Variants in NMNAT1 observed in about 807,000 individuals in gnomAD.
NMNAT1 encodes the protein nicotinamide/nicotinic acid mononucleotide adenylyltransferase 1.
NMNAT1 carries 11 observed loss-of-function variants against 16.7 expected under a neutral mutation model. The observed-to-expected ratio is 0.66, with a 90% confidence interval of 0.41 to 1.09. The LOEUF (loss-of-function observed/expected upper bound fraction) is 1.09. Among genes scored for constraint, NMNAT1 ranks in the 50% least tolerant of loss-of-function variants. The probability of loss-of-function intolerance (pLI) is 0.00; values close to 1 mark genes in which losing one functional copy is unlikely to be tolerated. For missense variants in NMNAT1, 280 were observed against 332.3 expected, an observed-to-expected ratio of 0.84 and a Z score of 1.22; for synonymous variants, 110 against 119.8, an observed-to-expected ratio of 0.92 and a Z score of 0.53.
chr1:9,952,759 G>A (rs1422158441), intron 1 of NMNAT1, among the ~76,000 whole-genome samples: 1 of 151,882 alleles, frequency 6.6e-6, no homozygotes, highest in Non-Finnish European at 1.5e-5. Context: ...GGCTGGTCTC[G>A]AACTCCTGAC....
Position 9,982,525 on chromosome 1 carries a change from T to A in NMNAT1, c.664T>A (p.Ser222Thr), listed in dbSNP as rs763166285. ...GAATGAATGGATCGCTAATGACATC[T>A]CATCCACAAAAATCCGGAGAGCCCT... is the stretch of plus-strand genomic sequence containing the variant. ...VVNEWIANDI[S>T]STKIRRALRR... The change falls in exon 5 of 5, where the codon TCA becomes ACA. Residue 222 changes from serine to threonine, a missense_variant. By Grantham distance (58) the Ser-to-Thr change is moderately conservative (BLOSUM62 1). Coordinates refer to ENST00000377205, the MANE Select transcript of NMNAT1 (RefSeq NM_022787.4). 1.2e-5 allele frequency: 19 copies of A among 1,614,046 alleles called. 1 individual carries two copies. The South Asian group carries it at 2.1e-4, about 18-fold the overall frequency.
At chr1:9,987,644 T>A (rs1314192929), downstream of NMNAT1, among the ~76,000 whole-genome samples, 2 of 151,392 alleles carry the variant, frequency 1.3e-5, no homozygotes, top group Non-Finnish European at 2.9e-5. Context: ...CGTCTCAAAA[T>A]AAATAAATAA....
intron 1 of NMNAT1, among the ~76,000 whole-genome samples, chr1:9,946,122 T>C (rs1333421742): frequency 6.6e-6 from 1 of 152,228 alleles, no homozygotes; most frequent in East Asian, 1.9e-4. Context: ...GCGTGTGCAG[T>C]CTTCGAAGCA....
intron 1 of NMNAT1, chr1:9,967,324 T>G (rs1246303811): frequency 6.5e-6 from 1 of 154,100 alleles, no homozygotes; most frequent in African/African-American, 2.4e-5. Context: ...ATCGTCGAAC[T>G]TACTTGATCT....
intron 1 of NMNAT1, among the ~76,000 whole-genome samples, chr1:9,969,485 T>G (rs1164094497): frequency 1.3e-5 from 2 of 152,038 alleles, no homozygotes; most frequent in Admixed American, 6.6e-5. Flanking sequence ...TAATAGACAT[T>G]TTCAGGCCAG....
the NMNAT1 span, among the ~76,000 whole-genome samples, chr1:9,991,867 C>A: frequency 6.6e-6 from 1 of 151,880 alleles, no homozygotes; most frequent in African/African-American, 2.4e-5. Flanking sequence ...ACTTTTCTGT[C>A]CACATTCTAA....
At chr1:9,970,005 A>G (rs1357419192) in intron 1 of NMNAT1, among the ~76,000 whole-genome samples, 1 of 152,206 alleles carries the variant, frequency 6.6e-6, no homozygotes, top group Non-Finnish European at 1.5e-5. Flanking sequence ...AATGACATTC[A>G]AAAGCTCCGG....
chr1:9,976,069 C>T (rs2101702450), intron 3 of NMNAT1, among the ~76,000 whole-genome samples: 1 of 152,102 alleles, frequency 6.6e-6, no homozygotes, highest in South Asian at 2.1e-4. Flanking sequence ...GGTGGATCAG[C>T]TGAGGTCAGG....
At chr1:9,973,023 C>G (rs540301538) in intron 2 of NMNAT1, among the ~76,000 whole-genome samples, 1 of 152,300 alleles carries the variant, frequency 6.6e-6, no homozygotes, top group South Asian at 2.1e-4. Flanking sequence ...TTAGGAGTTT[C>G]CCATTACTTA....
chr1:9,992,480 G>C, the NMNAT1 span, among the ~76,000 whole-genome samples: 1 of 152,084 alleles, frequency 6.6e-6, no homozygotes, highest in African/African-American at 2.4e-5. Context: ...TTTACCAGGG[G>C]CTTTTCCAAT....
intron 1 of NMNAT1, among the ~76,000 whole-genome samples, chr1:9,968,770 CAAAAAA>C (rs35088826): frequency 2.5e-5 from 2 of 79,194 alleles, no homozygotes; most frequent in Non-Finnish European, 4.7e-5. Context: ...GACTCTGTCT[CAAAAAA>C]AAAAAAAAAA....
At chr1:9,943,878 A>G (rs974174362) in intron 1 of NMNAT1, among the ~76,000 whole-genome samples, 1 of 152,134 alleles carries the variant, frequency 6.6e-6, no homozygotes, top group South Asian at 2.1e-4. Flanking sequence ...CAAATCTGTA[A>G]AAGACTACAT....
rs1348659884 is a variant in NMNAT1, at chr1:9,975,711, T to C, written c.235T>C (p.Trp79Arg). The C allele has an allele frequency of 6.2e-7, 1 of 1,614,040 alleles. No individual in the cohort carries two copies. The highest frequency in any genetic ancestry group is 8.5e-7 in the Non-Finnish European group (1 of 1,179,952). Residue 79 changes from tryptophan (W) to arginine (R), a missense_variant, in exon 3 of 5, where the codon TGG becomes CGG. Physicochemically the swap from Trp to Arg is moderately radical, Grantham distance 101. Coordinates refer to ENST00000377205, the MANE Select transcript of NMNAT1 (RefSeq NM_022787.4). ...AGAACTTGCTACCAAGAATTCTAAA[T>C]GGGTGGAAGTTGATACATGGGAAAG... Reference protein sequence around the residue: ...MAELATKNSKWVEVDTWESLQ... With the variant: ...MAELATKNSKRVEVDTWESLQ...
downstream of NMNAT1, among the ~76,000 whole-genome samples, chr1:9,985,720 T>G (rs1642037053): frequency 6.6e-6 from 1 of 152,198 alleles, no homozygotes; most frequent in Non-Finnish European, 1.5e-5. Flanking sequence ...TGGAGTGCAG[T>G]GGCACAGTCT....
intron 1 of NMNAT1, among the ~76,000 whole-genome samples, chr1:9,962,088 C>T (rs980850156): frequency 2.6e-5 from 4 of 151,986 alleles, no homozygotes; most frequent in African/African-American, 9.7e-5. Context: ...TTTCTTACTT[C>T]CATTTCCACT....
the NMNAT1 span, among the ~76,000 whole-genome samples, chr1:9,996,495 G>A: frequency 1.3e-5 from 2 of 152,120 alleles, no homozygotes; most frequent in African/African-American, 4.8e-5. Context: ...GCTAAATGCT[G>A]CAGACTAGAA....
At chr1:9,971,298 G>A (rs1227185982) in intron 1 of NMNAT1, among the ~76,000 whole-genome samples, 3 of 152,042 alleles carry the variant, frequency 2.0e-5, no homozygotes, top group African/African-American at 7.2e-5. Context: ...TTTAGAGTTA[G>A]CATAATGATT....
intron 1 of NMNAT1, among the ~76,000 whole-genome samples, chr1:9,949,250 G>A (rs1170841729): frequency 6.7e-6 from 1 of 149,778 alleles, no homozygotes; most frequent in Non-Finnish European, 1.5e-5. Context: ...CTGGGCAACA[G>A]ACCAGGACTC....
At chr1:9,985,819 C>T (rs1332828213), downstream of NMNAT1, among the ~76,000 whole-genome samples, 5 of 152,186 alleles carry the variant, frequency 3.3e-5, no homozygotes, top group Admixed American at 6.5e-5. Context: ...TGTGTTACCA[C>T]GCCTGGCTAA....
Sources: allele counts gnomAD v4.1 joint callset (sites outside exome capture counted in the v4.1 genomes callset), GRCh38; gene constraint gnomAD v4.1.1; transcripts MANE v1.5; gene names NCBI Gene and HGNC (gene_info 2026-07-23, HGNC 2026-07-21).